Variants in TOM1L2 observed in about 807,000 individuals in gnomAD.
The protein encoded by TOM1L2 is TOM1-like protein 2.
In TOM1L2, 31 loss-of-function variants were observed where a neutral mutation model predicts 67.9. The ratio of observed to expected loss-of-function variants is 0.46; its 90% CI spans 0.34 to 0.62. The LOEUF (loss-of-function observed/expected upper bound fraction) is 0.62, where lower values mean the gene tolerates loss of function less well. Ranked by LOEUF, TOM1L2 falls within the 20% of genes least tolerant of loss-of-function variation. The pLI is 0.01. For missense variants in TOM1L2, 606 were observed against 663.5 expected, an observed-to-expected ratio of 0.91 and a Z score of 0.95; for synonymous variants, 256 against 254.0, an observed-to-expected ratio of 1.01 and a Z score of -0.07.
rs551263823 is a variant in TOM1L2, at chr17:17,936,113, C to T, written c.53-28582G>A. On this transcript the variant is annotated intron_variant, in intron 1 of 14. Transcript: ENST00000379504. ...TTGGCCTCGCTTGCTCCTGCCCTGTCTTCCTCTGCAGCCCATCTCTCTCCA... is the reference window on the plus strand; with the variant it reads ...TTGGCCTCGCTTGCTCCTGCCCTGTTTTCCTCTGCAGCCCATCTCTCTCCA... Among the ~76,000 whole-genome samples, 4 of 152,358 alleles carry T rather than the reference C, an allele frequency of 2.6e-5. No homozygotes were observed. In the South Asian group the frequency reaches 6.2e-4, roughly 24 times the overall value.
chr17:17,870,816 C>T (rs977333725), intron 7 of TOM1L2, among the ~76,000 whole-genome samples: 1 of 152,200 alleles, frequency 6.6e-6, no homozygotes, highest in Non-Finnish European at 1.5e-5. Flanking sequence ...CACTGAGCCA[C>T]ACACAGTGAA....
At chr17:17,882,346 C>A (rs555760125) in intron 6 of TOM1L2, among the ~76,000 whole-genome samples, 91 of 152,350 alleles carry the variant, frequency 6.0e-4, no homozygotes, top group Non-Finnish European at 8.4e-4. Context: ...ACCTGCTGCT[C>A]CGAGAGAGCA....
chr17:17,914,719 T>C (rs1808407093), intron 1 of TOM1L2, among the ~76,000 whole-genome samples: 1 of 152,196 alleles, frequency 6.6e-6, no homozygotes, highest in South Asian at 2.1e-4. Context: ...GTCCTCTGGC[T>C]GTGTATTGCA....
chr17:17,940,006 A>G (rs1257610051), intron 1 of TOM1L2, among the ~76,000 whole-genome samples: 1 of 151,892 alleles, frequency 6.6e-6, no homozygotes, highest in Non-Finnish European at 1.5e-5. Flanking sequence ...CAGCCTGGCC[A>G]ACATGGTGAA....
chr17:17,929,574 T>C (rs1394996040), intron 1 of TOM1L2, among the ~76,000 whole-genome samples: 1 of 152,030 alleles, frequency 6.6e-6, no homozygotes, highest in Non-Finnish European at 1.5e-5. Context: ...GAGGTTGTGG[T>C]GAGCCGAGAT....
At chr17:17,910,468 C>T (rs1365577156) in intron 1 of TOM1L2, among the ~76,000 whole-genome samples, 1 of 152,184 alleles carries the variant, frequency 6.6e-6, no homozygotes, top group African/African-American at 2.4e-5. Flanking sequence ...ACACGAGAAC[C>T]ACCTGGGGAG....
In TOM1L2 at chr17:17,972,343, C is replaced by T. The variant is rs2042146291; in HGVS notation, c.-30G>A. On this transcript the variant is annotated 5_prime_UTR_variant, in exon 1 of 15. Coordinates refer to ENST00000379504, the MANE Select transcript of TOM1L2 (RefSeq NM_001082968.2). ...GGTGGACAACACGCAGCGGCCCGGGCCCCCTGTCTGCCACCTAGGCCTCCG... is the reference window on the plus strand; with the variant it reads ...GGTGGACAACACGCAGCGGCCCGGGTCCCCTGTCTGCCACCTAGGCCTCCG... The T allele has an allele frequency of 3.9e-6, 6 of 1,548,718 alleles. No individual in the cohort carries two copies. The African/African-American group carries it at 5.5e-5, about 14-fold the overall frequency.
intron 5 of TOM1L2, among the ~76,000 whole-genome samples, chr17:17,884,054 C>T (rs1457727882): frequency 6.6e-6 from 1 of 152,192 alleles, no homozygotes; most frequent in African/African-American, 2.4e-5. Context: ...CTCCACGGTG[C>T]TCAAGTTACT....
At position 17,880,213 on chromosome 17, in the gene TOM1L2, A is replaced by G. The variant is rs2037649435; in HGVS notation, c.661-470T>C. The stretch of plus-strand genomic sequence containing the variant: ...TAGACTCTGCTCCTAGGAGTTTTAC[A>G]TCTAAACACTAGGATCCCTCTGAGA... On this transcript the variant is annotated intron_variant, in intron 6 of 14. Transcript: ENST00000379504. 2.0e-5 allele frequency among the ~76,000 whole-genome samples: 3 copies of G among 152,190 alleles called. No individual in the cohort carries two copies. In the South Asian group the frequency reaches 6.2e-4, roughly 32 times the overall value.
intron 1 of TOM1L2, among the ~76,000 whole-genome samples, chr17:17,918,416 T>G (rs570119776): frequency 2.0e-5 from 3 of 152,072 alleles, no homozygotes; most frequent in African/African-American, 7.2e-5. Context: ...TGAATAGAAG[T>G]GGTGAAAGGC....
At chr17:17,932,148 T>C (rs1007449566) in intron 1 of TOM1L2, among the ~76,000 whole-genome samples, 3 of 152,222 alleles carry the variant, frequency 2.0e-5, no homozygotes, top group East Asian at 3.8e-4. Context: ...TAATTACCTT[T>C]CATGGGTGAG....
chr17:17,934,288 A>G (rs1201043648), intron 1 of TOM1L2, among the ~76,000 whole-genome samples: 2 of 152,156 alleles, frequency 1.3e-5, no homozygotes, highest in Admixed American at 6.6e-5. Context: ...CTACAAAAAC[A>G]GTGTTGAAAT....
intron 7 of TOM1L2, chr17:17,869,771 G>T: frequency 1.1e-6 from 1 of 923,024 alleles, no homozygotes; most frequent in Non-Finnish European, 1.3e-6. Context: ...TTTCCAGATT[G>T]CTTTTTCTCA....
At chr17:17,882,915 G>A (rs1338761266) in intron 5 of TOM1L2, 52 bp from the exon 6 acceptor site, 4 of 1,602,626 alleles carry the variant, frequency 2.5e-6, no homozygotes, top group Admixed American at 3.3e-5. Flanking sequence ...CTGCATAGCT[G>A]GACCTGGTAC....
intron 7 of TOM1L2, among the ~76,000 whole-genome samples, chr17:17,877,023 C>G (rs1414198995): frequency 2.0e-5 from 3 of 152,154 alleles, no homozygotes; most frequent in African/African-American, 7.2e-5. Context: ...CTCTGGGCAC[C>G]CTTCCTTCCT....
chr17:17,879,036 G>A (rs1162350145), intron 7 of TOM1L2, among the ~76,000 whole-genome samples: 1 of 152,224 alleles, frequency 6.6e-6, no homozygotes, highest in Non-Finnish European at 1.5e-5. Context: ...TCCAGAGGCG[G>A]GGAGGCCAGT....
intron 7 of TOM1L2, among the ~76,000 whole-genome samples, chr17:17,870,180 G>T (rs2037076060): frequency 6.6e-6 from 1 of 152,110 alleles, no homozygotes; most frequent in African/African-American, 2.4e-5. Flanking sequence ...AGAAGCCCAG[G>T]CAGCTCCCTG....
chr17:17,931,965 TTTAA>T (rs1308286481), intron 1 of TOM1L2, among the ~76,000 whole-genome samples: 1 of 152,246 alleles, frequency 6.6e-6, no homozygotes, highest in African/African-American at 2.4e-5. Flanking sequence ...CTGGTGTGTG[TTTAA>T]TTGTTATGAA....
At chr17:17,952,871 A>C (rs534493772) in intron 1 of TOM1L2, among the ~76,000 whole-genome samples, 6 of 152,256 alleles carry the variant, frequency 3.9e-5, no homozygotes, top group Non-Finnish European at 5.9e-5. Context: ...TGCTGCAGGA[A>C]GGCCCCTTAG....
Sources: allele counts gnomAD v4.1 joint callset (sites outside exome capture counted in the v4.1 genomes callset), GRCh38; gene constraint gnomAD v4.1.1; transcripts MANE v1.5; gene names NCBI Gene and HGNC (gene_info 2026-07-23, HGNC 2026-07-21).